Variants in SNX24 observed in about 807,000 individuals in gnomAD.
SNX24 encodes sorting nexin 24.
Under a neutral mutation model 28.7 loss-of-function variants are expected in SNX24, and 22 were observed. That is an observed-to-expected ratio of 0.77 (90% CI 0.55 to 1.10). SNX24 has a LOEUF of 1.10. Ranked by LOEUF, SNX24 falls within the 50% of genes least tolerant of loss-of-function variation. The probability of loss-of-function intolerance (pLI) is 0.00; values close to 1 mark genes in which losing one functional copy is unlikely to be tolerated. For missense variants in SNX24, 221 were observed against 201.1 expected (o/e 1.10, Z -0.60); for synonymous variants, 69 against 71.5 (o/e 0.96, Z 0.18).
intron 1 of SNX24, among the ~76,000 whole-genome samples, chr5:122,871,642 C>T (rs12517490): frequency 0.098 from 14,867 of 151,946 alleles, 929 homozygotes; most frequent in East Asian, 0.32. Flanking sequence ...TGGTGACATG[C>T]GCCTGTAATC....
intron 2 of SNX24, among the ~76,000 whole-genome samples, chr5:122,944,366 T>C (rs910282032): frequency 6.6e-6 from 1 of 152,100 alleles, no homozygotes; most frequent in Non-Finnish European, 1.5e-5. Context: ...GTCACCCTAA[T>C]TAAAAGGGAA....
At chr5:123,004,181 C>T (rs541928271) in intron 6 of SNX24, among the ~76,000 whole-genome samples, 1 of 152,218 alleles carries the variant, frequency 6.6e-6, no homozygotes, top group Non-Finnish European at 1.5e-5. Flanking sequence ...TAAGCATTAT[C>T]CTCTTATAAA....
At chr5:122,996,054 A>T (rs769751294) in intron 3 of SNX24, among the ~76,000 whole-genome samples, 28 of 152,234 alleles carry the variant, frequency 1.8e-4, no homozygotes, top group Admixed American at 3.3e-4. Context: ...CATGGAAATC[A>T]TGAATATGAA....
Position 122,904,281 on chromosome 5 carries a change from C to G in SNX24, c.61-32453C>G, listed in dbSNP as rs1341778879. The stretch of plus-strand genomic sequence containing the variant: ...CGCCACGGCCTCTGCCCCCTGAGTT[C>G]AAGGGATTCTCCTGTCTCAGCCTCC... On this transcript the variant is annotated intron_variant, in intron 1 of 6. Transcript: ENST00000261369. 1.3e-5 allele frequency among the ~76,000 whole-genome samples: 2 copies of G among 151,956 alleles called. 1 individual carries two copies. Among genetic ancestry groups the G allele is most frequent in the Admixed American group, 1.3e-4 (2 of 15,266 alleles).
rs1762501578 is a variant in SNX24, at chr5:123,008,872, ATGTATGTGC to A, written c.*1132_*1140del. 1.0e-6 allele frequency: 1 copy of A among 982,994 alleles called. No homozygotes were observed. The highest frequency in any genetic ancestry group is 1.2e-6 in the Non-Finnish European group (1 of 827,320). 60.9% of individuals were successfully genotyped at this position (982,994 alleles called of 1,614,324 possible). On this transcript the variant is annotated 3_prime_UTR_variant, in exon 7 of 7. Transcript: ENST00000261369. The stretch of plus-strand genomic sequence containing the variant: ...GGATAAAAGCATATATACTACCTAT[ATGTATGTGC>A]TGTATGTGGGCATTTCATTGAGATC...
chr5:122,863,909 G>T lies in SNX24; in HGVS notation c.60+18216G>T, dbSNP rs149907883. On this transcript the variant is annotated intron_variant, in intron 1 of 6. Transcript: ENST00000261369. ...GGCAGAGGAGCGACGTGATTCAGTG[G>T]CACTGTTCCCAGCCCATGTTGGCTT... Among the ~76,000 whole-genome samples, 629 of 150,666 alleles carry T rather than the reference G, an allele frequency of 4.2e-3. 4 individuals carry two copies. Among genetic ancestry groups the T allele is most frequent in the Non-Finnish European group, 6.2e-3 (422 of 67,932 alleles).
chr5:122,958,320 C>T (rs1396612453), intron 3 of SNX24, among the ~76,000 whole-genome samples: 1 of 151,770 alleles, frequency 6.6e-6, no homozygotes, highest in Non-Finnish European at 1.5e-5. Flanking sequence ...ATGGCATGGT[C>T]TCAGCTCACT....
At chr5:123,028,552 G>A in intron 5 of SNX24, 1 of 434,734 alleles carries the variant, frequency 2.3e-6, no homozygotes. Flanking sequence ...ATTACGGAAA[G>A]ACAATAAACA....
At chr5:122,905,317 A>G (rs1199083543) in intron 1 of SNX24, among the ~76,000 whole-genome samples, 1 of 152,132 alleles carries the variant, frequency 6.6e-6, no homozygotes, top group African/African-American at 2.4e-5. Context: ...TCATTCTGCC[A>G]GCGCACCCTG....
intron 5 of SNX24, among the ~76,000 whole-genome samples, chr5:123,020,132 G>C (rs60418991): frequency 0.36 from 54,619 of 152,158 alleles, 10,645 homozygotes; most frequent in African/African-American, 0.49. Context: ...ATGGGGGAGA[G>C]TGGTGTCTAT....
At chr5:122,946,222 C>A in intron 3 of SNX24, 63 bp downstream of exon 3, 2 of 972,950 alleles carry the variant, frequency 2.1e-6, no homozygotes, top group Non-Finnish European at 3.2e-6. Context: ...ACCACTTTTT[C>A]TCAGGACATG....
chr5:122,997,121 G>A (rs1053562228), intron 3 of SNX24, among the ~76,000 whole-genome samples: 1 of 152,182 alleles, frequency 6.6e-6, no homozygotes, highest in African/African-American at 2.4e-5. Context: ...ACAGTCATTT[G>A]TACATAATAT....
chr5:123,009,408 C>T (rs996648815), downstream of SNX24, among the ~76,000 whole-genome samples: 2 of 152,068 alleles, frequency 1.3e-5, no homozygotes, highest in African/African-American at 4.8e-5. Flanking sequence ...TGATGATTTA[C>T]CAAGATAATA....
chr5:122,930,221 C>T (rs1055221615), intron 1 of SNX24, among the ~76,000 whole-genome samples: 2 of 152,186 alleles, frequency 1.3e-5, no homozygotes, highest in Non-Finnish European at 2.9e-5. Flanking sequence ...TCAGCCTTTT[C>T]TTGACTAGCA....
chr5:122,992,097 G>A (rs1365677497), intron 3 of SNX24, among the ~76,000 whole-genome samples: 6 of 152,148 alleles, frequency 3.9e-5, no homozygotes, highest in South Asian at 2.1e-4. Flanking sequence ...AATGAATGAC[G>A]CTGAAATGAT....
rs899649157 is a variant in SNX24, at chr5:122,848,696, A to C, written c.60+3003A>C. 2.1e-5 allele frequency among the ~76,000 whole-genome samples: 3 copies of C among 145,944 alleles called. No homozygotes were observed. The Admixed American group carries it at 2.1e-4, about 10-fold the overall frequency. On this transcript the variant is annotated intron_variant, in intron 1 of 6. Coordinates refer to ENST00000261369, the MANE Select transcript of SNX24 (RefSeq NM_014035.4). ...TGCACTCCAGTCTAGGTGACAGAGC[A>C]ACACTCCATCTCAAAATAAAAAATA...
intron 3 of SNX24, among the ~76,000 whole-genome samples, chr5:122,973,375 C>CA (rs1399827340): frequency 6.6e-6 from 1 of 152,232 alleles, no homozygotes; most frequent in East Asian, 1.9e-4. Flanking sequence ...CACTGTCCTT[C>CA]AGGGCTGTCC....
chr5:122,950,114 T>G (rs1179476909), intron 3 of SNX24, among the ~76,000 whole-genome samples: 2 of 152,188 alleles, frequency 1.3e-5, no homozygotes, highest in Non-Finnish European at 2.9e-5. Flanking sequence ...TAGAATTAAG[T>G]ATAACAGTAC....
intron 5 of SNX24, chr5:123,025,834 T>G (rs763860453): frequency 6.2e-7 from 1 of 1,614,030 alleles, no homozygotes. Flanking sequence ...TCCAACCAGG[T>G]GGGCTTGGTC....
Sources: allele counts gnomAD v4.1 joint callset (sites outside exome capture counted in the v4.1 genomes callset), GRCh38; gene constraint gnomAD v4.1.1; transcripts MANE v1.5; gene names NCBI Gene and HGNC (gene_info 2026-07-23, HGNC 2026-07-21).